TBXA2R: variants seen among roughly 807,000 people sequenced by gnomAD.
TBXA2R encodes the protein prostanoid TP receptor.
TBXA2R carries 15 observed loss-of-function variants against 15.6 expected under a neutral mutation model. The ratio of observed to expected loss-of-function variants is 0.96; its 90% CI spans 0.64 to 1.48. The LOEUF is 1.48. TBXA2R is among the 40% of genes most tolerant of loss of function. The pLI is 0.00. For missense variants in TBXA2R, 506 were observed against 491.4 expected (o/e 1.03, Z -0.28); for synonymous variants, 280 against 241.2 (o/e 1.16, Z -1.49).
intron 1 of TBXA2R, among the ~76,000 whole-genome samples, chr19:3,603,086 C>T (rs1161006987): frequency 6.6e-6 from 1 of 151,790 alleles, no homozygotes; most frequent in East Asian, 1.9e-4. Context: ...AAGGGATCCA[C>T]GCGCAGCACT....
Position 3,595,294 on chromosome 19 carries a change from G to C in TBXA2R, c.*394C>G, listed in dbSNP as rs200628178. The C allele has an allele frequency of 5.9e-5, 70 of 1,182,232 alleles. No homozygotes were observed. In the African/African-American group the frequency reaches 9.5e-4, roughly 16 times the overall value. 73.2% of individuals were successfully genotyped at this position (1,182,232 alleles called of 1,614,324 possible). A position where few individuals can be genotyped will look rare whatever the true frequency, so the allele number is the denominator to read the frequency against. On this transcript the variant is annotated 3_prime_UTR_variant, in exon 3 of 3. Coordinates refer to ENST00000375190, the MANE Select transcript of TBXA2R (RefSeq NM_001060.6). Reference sequence around the variant, plus strand: ...CTCAGGAGGCTGAGGCAGGAGAATCGCTTGAACCCGGGAGGTGGAGGTTGC... The same window carrying C: ...CTCAGGAGGCTGAGGCAGGAGAATCCCTTGAACCCGGGAGGTGGAGGTTGC...
Position 3,600,613 on chromosome 19 carries a change from G to A in TBXA2R, c.22C>T (p.Leu8=), listed in dbSNP as rs757028711. Residue 8 remains leucine (L), a synonymous_variant, in exon 2 of 3, where the codon CTG becomes TTG. Coordinates refer to ENST00000375190, the MANE Select transcript of TBXA2R (RefSeq NM_001060.6). MWPNGSS[L]GPCFRPTNIT... ...TTTGTGGGCCGGAAACAGGGCCCCA[G>A]GGAACTGCCGTTGGGCCACATGGCT... is the stretch of plus-strand genomic sequence containing the variant. 3 of 1,612,574 alleles carry A rather than the reference G, an allele frequency of 1.9e-6. No homozygotes were observed. The highest frequency in any genetic ancestry group is 1.3e-5 in the African/African-American group (1 of 74,920).
rs201136751 is a variant in TBXA2R, at chr19:3,594,988, G to A, written c.*700C>T. ...CCAGCTGCTCGGGAGGCTGAGGCAC[G>A]AGAATCGCTTGAACCCGGGAGGCGG... On this transcript the variant is annotated 3_prime_UTR_variant, in exon 3 of 3. Coordinates refer to ENST00000375190, the MANE Select transcript of TBXA2R (RefSeq NM_001060.6). 4.0e-6 allele frequency: 6 copies of A among 1,517,616 alleles called. No homozygotes were observed. Among genetic ancestry groups the A allele is most frequent in the Admixed American group, 2.0e-5 (1 of 50,686 alleles). The allele number at this position is 1,517,616 out of a possible 1,614,324, so 94.0% of individuals were successfully genotyped here. A position where few individuals can be genotyped will look rare whatever the true frequency, so the allele number is the denominator to read the frequency against.
Position 3,600,295 on chromosome 19 carries a change from A to G in TBXA2R, c.340T>C (p.Phe114Leu), listed in dbSNP as rs1408743155. 7 of 1,612,798 alleles carry G rather than the reference A, an allele frequency of 4.3e-6. No homozygotes were observed. Among genetic ancestry groups the G allele is most frequent in the African/African-American group, 4.0e-5 (3 of 74,914 alleles). The change falls in exon 2 of 3, where the codon TTC becomes CTC. Residue 114 changes from phenylalanine (F) to leucine (L), a missense_variant. By Grantham distance (22) the Phe-to-Leu change is conservative (BLOSUM62 0). Coordinates refer to ENST00000375190, the MANE Select transcript of TBXA2R (RefSeq NM_001060.6). Reference protein sequence around the residue: ...LCRFMGVVMIFFGLSPLLLGA... With the variant: ...LCRFMGVVMILFGLSPLLLGA... Reference sequence around the variant, plus strand: ...AGCAGCAGCGGGGACAGGCCGAAGAAGATCATGACGACGCCCATGAAGCGA... The same window carrying G: ...AGCAGCAGCGGGGACAGGCCGAAGAGGATCATGACGACGCCCATGAAGCGA...
intron 2 of TBXA2R, among the ~76,000 whole-genome samples, chr19:3,596,639 CTTT>C (rs35384615): frequency 1.4e-5 from 2 of 145,170 alleles, no homozygotes; most frequent in Non-Finnish European, 1.5e-5. Flanking sequence ...AAATAAATAC[CTTT>C]TTTTTTTTTT....
Position 3,600,170 on chromosome 19 carries a change from C to T in TBXA2R, c.465G>A (p.Leu155=), listed in dbSNP as rs777185021. 6.3e-7 allele frequency: 1 copy of T among 1,599,716 alleles called. No individual in the cohort carries two copies. The highest frequency in any genetic ancestry group is 1.1e-5 in the South Asian group (1 of 89,986). ...CCAGCGCCAGCGCGGCCGCCCACAC[C>T]AGCCCCACGGTGGCCCAGGCGCGGC... ...SQRRAWATVG[L]VWAAALALGL... Residue 155 remains leucine, a synonymous_variant, in exon 2 of 3, where the codon CTG becomes CTA. Transcript: ENST00000375190.
intron 1 of TBXA2R, among the ~76,000 whole-genome samples, chr19:3,603,838 C>G (rs1464357085): frequency 6.6e-6 from 1 of 152,134 alleles, no homozygotes; most frequent in Non-Finnish European, 1.5e-5. Flanking sequence ...CTCAAGTTCT[C>G]CAGGCAAGGA....
chr19:3,603,089 G>A (rs1245033959), intron 1 of TBXA2R, among the ~76,000 whole-genome samples: 7 of 151,756 alleles, frequency 4.6e-5, no homozygotes, highest in African/African-American at 1.7e-4. Flanking sequence ...GGATCCACGC[G>A]CAGCACTCAG....
At chr19:3,597,715 G>C (rs538833890) in intron 2 of TBXA2R, among the ~76,000 whole-genome samples, 3 of 152,066 alleles carry the variant, frequency 2.0e-5, no homozygotes, top group Admixed American at 2.0e-4. Flanking sequence ...GGCAGATCAC[G>C]AGGTCAGGAG....
At chr19:3,603,424 G>A (rs191466981) in intron 1 of TBXA2R, among the ~76,000 whole-genome samples, 9 of 152,316 alleles carry the variant, frequency 5.9e-5, no homozygotes, top group African/African-American at 1.2e-4. Flanking sequence ...GGCCTCTGGC[G>A]ATCGTTGCCC....
rs1037940718 is a variant in TBXA2R, at chr19:3,600,005, C to A, written c.630G>T (p.Leu210=). The part of the protein sequence containing the change: ...FSMLGGLSVG[L]SFLLNTVSVA... Reference sequence around the variant, plus strand: ...CGCTGACCGTGTTCAGCAGGAAGGACAGCCCGACCGAGAGGCCGCCCAGCA... The same window carrying A: ...CGCTGACCGTGTTCAGCAGGAAGGAAAGCCCGACCGAGAGGCCGCCCAGCA... Residue 210 remains leucine (L), a synonymous_variant, in exon 2 of 3, where the codon CTG becomes CTT. Transcript: ENST00000375190. 6.2e-7 allele frequency: 1 copy of A among 1,610,622 alleles called. No homozygotes were observed. Among genetic ancestry groups the A allele is most frequent in the Admixed American group, 1.7e-5 (1 of 59,664 alleles).
At position 3,600,418 on chromosome 19, in the gene TBXA2R, T is replaced by G; in HGVS notation, c.217A>C (p.Thr73Pro). Residue 73 changes from threonine (T) to proline (P), a missense_variant, in exon 2 of 3, where the codon ACC becomes CCC. Coordinates refer to ENST00000375190, the MANE Select transcript of TBXA2R (RefSeq NM_001060.6). ...GTCACCAGCAGCCCCAGGAAGTCGG[T>G]GAGGACGAGGCCGCAGAGGAAGGTG... Reference protein sequence around the residue: ...FLTFLCGLVLTDFLGLLVTGT... With the variant: ...FLTFLCGLVLPDFLGLLVTGT... 6.2e-7 allele frequency: 1 copy of G among 1,613,240 alleles called. No homozygotes were observed. Among genetic ancestry groups the G allele is most frequent in the Non-Finnish European group, 8.5e-7 (1 of 1,179,706 alleles).
At position 3,595,709 on chromosome 19, in the gene TBXA2R, CG is replaced by C. The variant is rs1362431789; in HGVS notation, c.1010del (p.Thr337SerfsTer33). 1 of 1,594,240 alleles carries C rather than the reference CG, an allele frequency of 6.3e-7. No individual in the cohort carries two copies. Among genetic ancestry groups the C allele is most frequent in the East Asian group, 2.3e-5 (1 of 44,222 alleles). The part of the protein sequence containing the change: ...PRSLSLQPQL[T>X]QRSGLQ ...CTTCCTACTGCAGCCCGGAGCGCTG[CG>C]TGAGCTGGGGCTGGAGGGACAGCGA... On this transcript the variant is annotated frameshift_variant, in exon 3 of 3. Transcript: ENST00000375190. LOFTEE classifies it low-confidence loss of function (END_TRUNC).
intron 2 of TBXA2R, 63 bp downstream of exon 2, chr19:3,599,786 C>A (rs2145291131): frequency 6.5e-7 from 1 of 1,547,564 alleles, no homozygotes; most frequent in East Asian, 2.4e-5. Flanking sequence ...GGATCTAAAT[C>A]CACCCTGGGT....
At chr19:3,597,661 G>A (rs145304467) in intron 2 of TBXA2R, among the ~76,000 whole-genome samples, 4,635 of 151,834 alleles carry the variant, frequency 0.031, 129 homozygotes, top group Middle Eastern at 0.083. Flanking sequence ...GGCCGGGTGC[G>A]GTGGCTCACA....
intron 1 of TBXA2R, among the ~76,000 whole-genome samples, chr19:3,602,077 C>T (rs183652319): frequency 1.1e-4 from 16 of 152,092 alleles, no homozygotes; most frequent in African/African-American, 2.7e-4. Flanking sequence ...AAAAATTAGC[C>T]GGGCGTGGTG....
chr19:3,602,126 CAGG>C (rs969220568), intron 1 of TBXA2R, among the ~76,000 whole-genome samples: 7 of 152,008 alleles, frequency 4.6e-5, no homozygotes, highest in Non-Finnish European at 8.8e-5. Flanking sequence ...GAGGCTGAGG[CAGG>C]AGAATAGCGT....
In TBXA2R at chr19:3,594,810, A is replaced by G. The variant is rs1461501223; in HGVS notation, c.*878T>C. The G allele has an allele frequency of 2.6e-6, 4 of 1,521,816 alleles. No individual in the cohort carries two copies. The highest frequency in any genetic ancestry group is 1.8e-6 in the Non-Finnish European group (2 of 1,136,598). The allele number at this position is 1,521,816 out of a possible 1,614,324, so 94.3% of individuals were successfully genotyped here. ...CCAAAGGCAGAGATATATTTTGGCAAGAAAAGGGGGTGCCCCCGTTCACAT... is the reference window on the plus strand; with the variant it reads ...CCAAAGGCAGAGATATATTTTGGCAGGAAAAGGGGGTGCCCCCGTTCACAT... On this transcript the variant is annotated 3_prime_UTR_variant, in exon 3 of 3. Coordinates refer to ENST00000375190, the MANE Select transcript of TBXA2R (RefSeq NM_001060.6).
Position 3,595,154 on chromosome 19 carries a change from G to C in TBXA2R, c.*534C>G. The C allele has an allele frequency of 1.6e-6, 1 of 627,784 alleles. No individual in the cohort carries two copies. Among genetic ancestry groups the C allele is most frequent in the Non-Finnish European group, 2.7e-6 (1 of 376,930 alleles). The allele number at this position is 627,784 out of a possible 1,614,324, so 38.9% of individuals were successfully genotyped here. On this transcript the variant is annotated 3_prime_UTR_variant, in exon 3 of 3. Transcript: ENST00000375190. ...AGCACTTTGGGAGGCTGAGGCTGGTGAATCACCTGAGGTCAGGAGTTCAAG... is the reference window on the plus strand; with the variant it reads ...AGCACTTTGGGAGGCTGAGGCTGGTCAATCACCTGAGGTCAGGAGTTCAAG...
Sources: allele counts gnomAD v4.1 joint callset (sites outside exome capture counted in the v4.1 genomes callset), GRCh38; gene constraint gnomAD v4.1.1; transcripts MANE v1.5; gene names NCBI Gene and HGNC (gene_info 2026-07-23, HGNC 2026-07-21).